Variants in CDYL observed in about 807,000 individuals in gnomAD.
CDYL encodes the protein chromodomain Y like.
CDYL carries 8 observed loss-of-function variants against 47.3 expected under a neutral mutation model. The ratio of observed to expected loss-of-function variants is 0.17; its 90% CI spans 0.10 to 0.31. The LOEUF is 0.31. Ranked by LOEUF, CDYL falls within the 10% of genes least tolerant of loss-of-function variation. CDYL has a pLI of 1.00. For missense variants in CDYL, 471 were observed against 701.4 expected, an observed-to-expected ratio of 0.67 and a Z score of 3.71; for synonymous variants, 266 against 265.0, an observed-to-expected ratio of 1.00 and a Z score of -0.04.
At chr6:4,727,222 G>A (rs1023374282) in intron 2 of CDYL, among the ~76,000 whole-genome samples, 2 of 152,170 alleles carry the variant, frequency 1.3e-5, no homozygotes, top group Non-Finnish European at 2.9e-5. Context: ...TTCCAGAGAA[G>A]TGTGGGTTTC....
chr6:4,937,915 A>G lies in CDYL; in HGVS notation c.1121+178A>G, dbSNP rs571275240. ...CTCTTCTATGGGCCTGCCATAAATT[A>G]CTACTTGCCTTGGGCAAAATCTTTT... On this transcript the variant is annotated intron_variant, in intron 4 of 6. Transcript: ENST00000397588. Among the ~76,000 whole-genome samples the G allele has an allele frequency of 2.6e-5, 4 of 152,364 alleles. No individual in the cohort carries two copies. The East Asian group carries it at 7.7e-4, about 29-fold the overall frequency.
intron 1 of CDYL, among the ~76,000 whole-genome samples, chr6:4,842,560 T>G (rs1341825309): frequency 1.3e-5 from 2 of 152,140 alleles, no homozygotes; most frequent in African/African-American, 4.8e-5. Flanking sequence ...CTTTAACATT[T>G]GTTTTTTCTG....
chr6:4,848,394 A>T (rs1230964352), intron 1 of CDYL, among the ~76,000 whole-genome samples: 1 of 152,190 alleles, frequency 6.6e-6, no homozygotes, highest in Non-Finnish European at 1.5e-5. Flanking sequence ...ATTACCTATT[A>T]TGTCCTTTCC....
intron 1 of CDYL, among the ~76,000 whole-genome samples, chr6:4,818,104 A>C (rs1759723922): frequency 6.6e-6 from 1 of 152,112 alleles, no homozygotes; most frequent in Non-Finnish European, 1.5e-5. Context: ...AAAAATACAA[A>C]AATCAGCTGG....
At chr6:4,838,966 C>T (rs1760407429) in intron 1 of CDYL, among the ~76,000 whole-genome samples, 1 of 152,182 alleles carries the variant, frequency 6.6e-6, no homozygotes, top group Non-Finnish European at 1.5e-5. Context: ...TGAGCCACCA[C>T]TCCCGGCCTT....
intron 2 of CDYL, among the ~76,000 whole-genome samples, chr6:4,925,302 A>C (rs1365301225): frequency 6.6e-6 from 1 of 152,066 alleles, no homozygotes; most frequent in Non-Finnish European, 1.5e-5. Flanking sequence ...TCTTTCTTAG[A>C]GATGGCTAAG....
At chr6:4,936,735 A>C (rs1758204393) in intron 3 of CDYL, among the ~76,000 whole-genome samples, 1 of 152,328 alleles carries the variant, frequency 6.6e-6, no homozygotes, top group African/African-American at 2.4e-5. Flanking sequence ...AGTAGAACTG[A>C]ATGAGTTTCT....
chr6:4,907,214 C>T (rs1757265615), intron 2 of CDYL, among the ~76,000 whole-genome samples: 1 of 152,146 alleles, frequency 6.6e-6, no homozygotes, highest in Non-Finnish European at 1.5e-5. Context: ...ACCAGGTTGT[C>T]CTCCTACAGA....
At chr6:4,943,844 G>A in intron 5 of CDYL, 88 bp downstream of exon 5, 4 of 982,066 alleles carry the variant, frequency 4.1e-6, no homozygotes, top group South Asian at 3.4e-5. Flanking sequence ...TTCTAAAGCT[G>A]TACAGTGTGT....
chr6:4,923,793 C>T (rs1348062218), intron 2 of CDYL, among the ~76,000 whole-genome samples: 2 of 151,146 alleles, frequency 1.3e-5, no homozygotes, highest in Non-Finnish European at 2.9e-5. Flanking sequence ...CCCAGCTACT[C>T]GGGAGGCTGA....
intron 3 of CDYL, among the ~76,000 whole-genome samples, chr6:4,742,348 G>A (rs1217955358): frequency 1.0e-4 from 14 of 134,758 alleles, no homozygotes; most frequent in Non-Finnish European, 1.8e-4. Flanking sequence ...CAGCCTGGGT[G>A]ACAAAGATCC....
At chr6:4,787,559 A>G (rs1271257886) in intron 1 of CDYL, among the ~76,000 whole-genome samples, 1 of 152,092 alleles carries the variant, frequency 6.6e-6, no homozygotes, top group Admixed American at 6.6e-5. Flanking sequence ...GCGTGCTCAT[A>G]CCTTGGCAGA....
chr6:4,896,743 A>G (rs1762294923), intron 2 of CDYL, among the ~76,000 whole-genome samples: 2 of 152,230 alleles, frequency 1.3e-5, no homozygotes, highest in South Asian at 4.1e-4. Flanking sequence ...AGAGCTACGT[A>G]AAGAAACTGA....
At chr6:4,752,895 G>C (rs920184613) in intron 3 of CDYL, among the ~76,000 whole-genome samples, 1 of 150,652 alleles carries the variant, frequency 6.6e-6, no homozygotes, top group Non-Finnish European at 1.5e-5. Context: ...TAGGTAGGTA[G>C]GTATGTAGGT....
intron 2 of CDYL, among the ~76,000 whole-genome samples, chr6:4,730,597 C>T (rs1420331265): frequency 6.7e-6 from 1 of 149,832 alleles, no homozygotes; most frequent in Admixed American, 6.8e-5. Flanking sequence ...TCGCTTGAAC[C>T]CAGGAGGCGG....
chr6:4,935,966 T>A (rs907818214), intron 3 of CDYL, among the ~76,000 whole-genome samples, 195 bp downstream of exon 3: 1 of 152,184 alleles, frequency 6.6e-6, no homozygotes, highest in African/African-American at 2.4e-5. Context: ...TGGCCGTGAA[T>A]TCAGGATGCT....
Position 4,933,364 on chromosome 6 carries a change from C to G in CDYL, c.692-2151C>G, listed in dbSNP as rs1236416531. 8.5e-5 allele frequency among the ~76,000 whole-genome samples: 13 copies of G among 152,224 alleles called. No individual in the cohort carries two copies. The East Asian group carries it at 2.5e-3, about 29-fold the overall frequency. The stretch of plus-strand genomic sequence containing the variant: ...TCCCTCGCCTCCTCCCTCAGCAACT[C>G]CAGGCTGCCCTGTGGAAGCCCCTCT... On this transcript the variant is annotated intron_variant, in intron 2 of 6. Transcript: ENST00000397588.
chr6:4,813,749 A>G (rs941771888), intron 1 of CDYL, among the ~76,000 whole-genome samples: 4 of 150,834 alleles, frequency 2.7e-5, no homozygotes, highest in African/African-American at 9.7e-5. Flanking sequence ...TGTAAACAGA[A>G]TTGTTGGTGC....
intron 4 of CDYL, among the ~76,000 whole-genome samples, chr6:4,938,270 C>T (rs62384684): frequency 0.04 from 6,024 of 150,324 alleles, 170 homozygotes; most frequent in Non-Finnish European, 0.06. Flanking sequence ...AAGTAGTGCA[C>T]ATTCTTGTTC....
Sources: gnomAD v4.1 joint callset for allele counts (sites outside exome capture counted in the v4.1 genomes callset) on GRCh38, gnomAD v4.1.1 for gene constraint, MANE v1.5 for transcripts, NCBI Gene and HGNC (gene_info 2026-07-23, HGNC 2026-07-21) for gene names.